The following TDRD3 variants were observed in gnomAD, a reference collection of about 807,000 sequenced individuals.
The protein encoded by TDRD3 is tudor domain containing 3, also known as tudor domain-containing protein 3.
In TDRD3, 45 loss-of-function variants were observed where a neutral mutation model predicts 86.7. That is an observed-to-expected ratio of 0.52 (90% CI 0.41 to 0.67). TDRD3 has a LOEUF of 0.67. TDRD3 is among the 30% of genes least tolerant of loss of function. The pLI is 0.00. For missense variants in TDRD3, 814 were observed against 889.0 expected (o/e 0.92, Z 1.07); for synonymous variants, 298 against 301.7 (o/e 0.99, Z 0.13).
chr13:60,405,656 T>C (rs937019828), intron 1 of TDRD3, among the ~76,000 whole-genome samples: 5 of 152,152 alleles, frequency 3.3e-5, no homozygotes, highest in Admixed American at 6.5e-5. Context: ...AGAGGGACAG[T>C]GTAGTGAGAT....
At chr13:60,482,585 C>G (rs1956340369) in intron 5 of TDRD3, among the ~76,000 whole-genome samples, 1 of 151,968 alleles carries the variant, frequency 6.6e-6, no homozygotes. Flanking sequence ...TTTGAATAGT[C>G]TTTGTTTAAT....
chr13:60,509,310 T>TA (rs142206040), intron 8 of TDRD3, among the ~76,000 whole-genome samples: 43 of 148,906 alleles, frequency 2.9e-4, no homozygotes, highest in African/African-American at 9.4e-4. Context: ...AGTACTAGTT[T>TA]AAAAAAAAAA....
At chr13:60,442,007 G>A (rs1955287305) in intron 2 of TDRD3, among the ~76,000 whole-genome samples, 2 of 152,300 alleles carry the variant, frequency 1.3e-5, no homozygotes, top group South Asian at 4.1e-4. Flanking sequence ...AAAGTCCCTA[G>A]CTGCCAGCCT....
In TDRD3 at chr13:60,535,078, T is replaced by C. The variant is rs374773827; in HGVS notation, c.1993-30T>C. ...TGCCCTTTATAGACAATACCAGTTG[T>C]CATATTTAAAACTCCTTTTGCCTCC... On this transcript the variant is annotated intron_variant, in intron 11 of 13. Coordinates refer to ENST00000377881, the MANE Select transcript of TDRD3 (RefSeq NM_001146070.2). 3 of 1,611,830 alleles carry C rather than the reference T, an allele frequency of 1.9e-6. No individual in the cohort carries two copies. The Admixed American group carries it at 5.0e-5, about 27-fold the overall frequency.
At chr13:60,489,557 T>C (rs1956533497) in intron 7 of TDRD3, among the ~76,000 whole-genome samples, 1 of 152,172 alleles carries the variant, frequency 6.6e-6, no homozygotes, top group Non-Finnish European at 1.5e-5. Flanking sequence ...CCCTGTTTTT[T>C]ATTTTTTTCA....
At chr13:60,544,443 T>TAA (rs34582725) in intron 12 of TDRD3, among the ~76,000 whole-genome samples, 15 of 130,456 alleles carry the variant, frequency 1.1e-4, no homozygotes, top group Admixed American at 8.8e-4. Flanking sequence ...CATATCTCTT[T>TAA]AAAAAAAAAA....
At chr13:60,524,517 AT>A (rs199725656) in intron 10 of TDRD3, among the ~76,000 whole-genome samples, 164 of 146,180 alleles carry the variant, frequency 1.1e-3, no homozygotes, top group African/African-American at 3.4e-3. Context: ...AAAAAAAAAA[AT>A]AAATAAATAA....
intron 12 of TDRD3, among the ~76,000 whole-genome samples, chr13:60,558,692 T>C (rs1266773594): frequency 6.6e-6 from 1 of 152,156 alleles, no homozygotes; most frequent in East Asian, 1.9e-4. Flanking sequence ...TGTCTGTAAC[T>C]TTTGATTGAT....
rs186800187 is a variant in TDRD3 at position 60,529,320 on chromosome 13, T to C, written c.1992+103T>C. 2,051 of 1,267,872 alleles carry C rather than the reference T, an allele frequency of 1.6e-3. 3 individuals are homozygous for C. Among genetic ancestry groups the C allele is most frequent in the Admixed American group, 2.7e-3 (108 of 39,294 alleles). The allele number at this position is 1,267,872 out of a possible 1,614,324, so 78.5% of individuals were successfully genotyped here. A position where few individuals can be genotyped will look rare whatever the true frequency, so the allele number is the denominator to read the frequency against. On this transcript the variant is annotated intron_variant, in intron 11 of 13. Coordinates refer to ENST00000377881, the MANE Select transcript of TDRD3 (RefSeq NM_001146070.2). ...TTTGGAACTATGAGTCTTTTTCTAC[T>C]ATTGTACCTGTTTAAAATCTTTGAA... is the stretch of plus-strand genomic sequence containing the variant.
chr13:60,499,733 G>T (rs139574259), intron 8 of TDRD3, among the ~76,000 whole-genome samples: 1 of 152,188 alleles, frequency 6.6e-6, no homozygotes, highest in Non-Finnish European at 1.5e-5. Context: ...GGTGTGGGGC[G>T]TGTTGAGATA....
At chr13:60,511,100 T>C (rs1957049754) in intron 10 of TDRD3, among the ~76,000 whole-genome samples, 1 of 152,122 alleles carries the variant, frequency 6.6e-6, no homozygotes, top group African/African-American at 2.4e-5. Flanking sequence ...ATATATCTCT[T>C]CTTTCTCCCC....
intron 10 of TDRD3, among the ~76,000 whole-genome samples, chr13:60,525,075 A>G (rs1217621132): frequency 8.9e-6 from 1 of 112,484 alleles, no homozygotes. Flanking sequence ...CAACAGAGCA[A>G]AATTTTCTCT....
At chr13:60,505,434 C>T (rs1404355418) in intron 8 of TDRD3, among the ~76,000 whole-genome samples, 1 of 152,172 alleles carries the variant, frequency 6.6e-6, no homozygotes, top group South Asian at 2.1e-4. Flanking sequence ...AAGGCAGATG[C>T]CTCAGCCAGG....
Position 60,461,357 on chromosome 13 carries a change from T to C in TDRD3, c.353+817T>C, listed in dbSNP as rs148910414. Among the ~76,000 whole-genome samples, 916 of 152,254 alleles carry C rather than the reference T, an allele frequency of 6.0e-3. 10 individuals are homozygous for C. The highest frequency in any genetic ancestry group is 0.021 in the African/African-American group (872 of 41,554). The stretch of plus-strand genomic sequence containing the variant: ...CAAACCCTTTGTTTGGTTATTTTAA[T>C]AAGAATCTTTTAGAGCCATGCCCAA... On this transcript the variant is annotated intron_variant, in intron 4 of 13. Coordinates refer to ENST00000377881, the MANE Select transcript of TDRD3 (RefSeq NM_001146070.2).
chr13:60,556,270 C>T (rs1958182616), intron 12 of TDRD3, among the ~76,000 whole-genome samples: 2 of 152,116 alleles, frequency 1.3e-5, no homozygotes, highest in Admixed American at 6.5e-5. Context: ...TTTCAACTAC[C>T]CATTTAGATG....
intron 10 of TDRD3, among the ~76,000 whole-genome samples, chr13:60,516,749 G>A (rs981384472): frequency 6.6e-6 from 1 of 152,182 alleles, no homozygotes; most frequent in African/African-American, 2.4e-5. Context: ...AGCAGCAGAT[G>A]CAACAGCATC....
chr13:60,430,864 G>A (rs1417611232), intron 1 of TDRD3, among the ~76,000 whole-genome samples: 1 of 151,918 alleles, frequency 6.6e-6, no homozygotes, highest in African/African-American at 2.4e-5. Context: ...CCTATCTCAC[G>A]ATCATTTTAA....
intron 13 of TDRD3, among the ~76,000 whole-genome samples, chr13:60,568,902 G>T (rs1958521869): frequency 1.3e-5 from 2 of 152,124 alleles, no homozygotes; most frequent in East Asian, 3.8e-4. Flanking sequence ...AAAGTTGCAG[G>T]ATACAAAATC....
At chr13:60,568,221 T>A (rs542382596) in intron 13 of TDRD3, among the ~76,000 whole-genome samples, 1 of 152,180 alleles carries the variant, frequency 6.6e-6, no homozygotes, top group Non-Finnish European at 1.5e-5. Context: ...CATGTAGTAG[T>A]AGTCTGCCTA....
Sources: gnomAD v4.1 joint callset for allele counts (sites outside exome capture counted in the v4.1 genomes callset) on GRCh38, gnomAD v4.1.1 for gene constraint, MANE v1.5 for transcripts, NCBI Gene and HGNC (gene_info 2026-07-23, HGNC 2026-07-21) for gene names.